The following NELL2 variants were observed in gnomAD, a reference collection of about 807,000 sequenced individuals.
NELL2 encodes neural EGFL like 2, also known as protein kinase C-binding protein NELL2.
Under a neutral mutation model 109.6 loss-of-function variants are expected in NELL2, and 41 were observed. The ratio of observed to expected loss-of-function variants is 0.37; its 90% CI spans 0.29 to 0.49. The LOEUF (loss-of-function observed/expected upper bound fraction) is 0.49, where lower values mean the gene tolerates loss of function less well. Among genes scored for constraint, NELL2 ranks in the 20% least tolerant of loss-of-function variants. The probability of loss-of-function intolerance (pLI) is 0.98; values close to 1 mark genes in which losing one functional copy is unlikely to be tolerated. For missense variants in NELL2, 900 were observed against 1,008.3 expected (o/e 0.89, Z 1.45); for synonymous variants, 355 against 344.7 (o/e 1.03, Z -0.33).
At chr12:44,768,953 T>C (rs1268188357) in intron 9 of NELL2, among the ~76,000 whole-genome samples, 9 of 152,104 alleles carry the variant, frequency 5.9e-5, no homozygotes, top group Admixed American at 5.2e-4. Flanking sequence ...CAAAATTATT[T>C]TCTTTTTCAC....
intron 1 of NELL2, among the ~76,000 whole-genome samples, chr12:44,901,940 A>G (rs1311225216): frequency 2.6e-5 from 4 of 152,194 alleles, no homozygotes; most frequent in Admixed American, 6.5e-5. Flanking sequence ...CCCACAGCCA[A>G]TATTATACTG....
chr12:44,584,539 GC>G (rs1944428386), intron 15 of NELL2, among the ~76,000 whole-genome samples: 1 of 152,194 alleles, frequency 6.6e-6, no homozygotes, highest in Non-Finnish European at 1.5e-5. Flanking sequence ...CCTTATTTAT[GC>G]AGTTGTTCTG....
intron 3 of NELL2, among the ~76,000 whole-genome samples, chr12:44,784,769 G>A (rs1170050658): frequency 5.9e-5 from 9 of 152,006 alleles, no homozygotes; most frequent in Admixed American, 6.6e-5. Flanking sequence ...AACAGAACCA[G>A]TGACAAAAAA....
chr12:44,747,950 T>C (rs917014439), intron 9 of NELL2, among the ~76,000 whole-genome samples: 1 of 152,164 alleles, frequency 6.6e-6, no homozygotes, highest in Admixed American at 6.6e-5. Flanking sequence ...ACCAAACTCG[T>C]AATGGAAAGA....
chr12:44,534,205 T>C (rs1942204880), intron 15 of NELL2, among the ~76,000 whole-genome samples: 1 of 152,096 alleles, frequency 6.6e-6, no homozygotes, highest in African/African-American at 2.4e-5. Context: ...AATAAATGTA[T>C]ACATAAGTAA....
At chr12:44,772,277 A>G (rs1784382695) in intron 9 of NELL2, among the ~76,000 whole-genome samples, 2 of 152,246 alleles carry the variant, frequency 1.3e-5, no homozygotes, top group Admixed American at 6.5e-5. Context: ...TGATACACAC[A>G]CACACGCACA....
At chr12:44,877,630 T>C (rs1023997741), upstream of NELL2, among the ~76,000 whole-genome samples, 7 of 152,306 alleles carry the variant, frequency 4.6e-5, no homozygotes, top group Admixed American at 6.5e-5. Flanking sequence ...TATATAGTTA[T>C]AGATATTATC....
chr12:44,831,226 C>T (rs1943878654), intron 2 of NELL2, among the ~76,000 whole-genome samples: 1 of 152,062 alleles, frequency 6.6e-6, no homozygotes, highest in South Asian at 2.1e-4. Flanking sequence ...GCTCTATAAT[C>T]TCTAGCGCTA....
At chr12:44,664,618 G>C (rs1458588367) in intron 13 of NELL2, among the ~76,000 whole-genome samples, 1 of 152,014 alleles carries the variant, frequency 6.6e-6, no homozygotes, top group East Asian at 1.9e-4. Context: ...GTTTATACAT[G>C]CACCTGATAA....
chr12:44,620,472 C>T (rs2136270613), intron 13 of NELL2, among the ~76,000 whole-genome samples: 1 of 152,244 alleles, frequency 6.6e-6, no homozygotes, highest in African/African-American at 2.4e-5. Context: ...GGCAATCTTG[C>T]AGTATCTCTT....
chr12:44,807,323 T>A (rs1316279062), intron 3 of NELL2, among the ~76,000 whole-genome samples: 1 of 68,472 alleles, frequency 1.5e-5, no homozygotes, highest in South Asian at 7.3e-4. Context: ...TGATGGATTT[T>A]GCTCTTTACA....
intron 13 of NELL2, among the ~76,000 whole-genome samples, chr12:44,627,106 G>T (rs1946295186): frequency 6.6e-6 from 1 of 152,100 alleles, no homozygotes; most frequent in African/African-American, 2.4e-5. Flanking sequence ...ACAATTACCT[G>T]CTGTAATTAC....
At chr12:44,539,459 C>A (rs1027836803) in intron 15 of NELL2, among the ~76,000 whole-genome samples, 1 of 152,106 alleles carries the variant, frequency 6.6e-6, no homozygotes, top group African/African-American at 2.4e-5. Context: ...TTAATCAATA[C>A]ATATGATATA....
At chr12:44,767,217 T>A (rs1941369654) in intron 9 of NELL2, among the ~76,000 whole-genome samples, 1 of 152,162 alleles carries the variant, frequency 6.6e-6, no homozygotes, top group Non-Finnish European at 1.5e-5. Context: ...CAGACAACAT[T>A]GTTTGTGGTA....
chr12:44,698,453 A>T (rs994405247), intron 12 of NELL2, among the ~76,000 whole-genome samples: 1 of 152,204 alleles, frequency 6.6e-6, no homozygotes, highest in African/African-American at 2.4e-5. Flanking sequence ...TGAACACTCA[A>T]GTAGAATAAA....
intron 2 of NELL2, among the ~76,000 whole-genome samples, chr12:44,865,157 A>C (rs1481114672): frequency 1.7e-5 from 2 of 116,734 alleles, no homozygotes; most frequent in Non-Finnish European, 1.8e-5. Context: ...TTTTGGCTGC[A>C]TAAATGTCTT....
intron 15 of NELL2, among the ~76,000 whole-genome samples, chr12:44,570,728 T>G (rs150596641): frequency 1.3e-5 from 2 of 152,322 alleles, no homozygotes; most frequent in South Asian, 4.1e-4. Context: ...AATATAATAC[T>G]CTGTTCATCT....
intron 2 of NELL2, among the ~76,000 whole-genome samples, chr12:44,861,388 A>G (rs1045842574): frequency 2.6e-5 from 4 of 152,164 alleles, no homozygotes; most frequent in Non-Finnish European, 5.9e-5. Flanking sequence ...CGGATCCCAC[A>G]GCCTCAGGCT....
At chr12:44,684,857 A>G (rs1027272264) in intron 12 of NELL2, among the ~76,000 whole-genome samples, 5 of 151,976 alleles carry the variant, frequency 3.3e-5, no homozygotes, top group South Asian at 2.1e-4. Flanking sequence ...CAGTTTTGGG[A>G]TAGGTGTGGT....
Sources: gnomAD v4.1 joint callset for allele counts (sites outside exome capture counted in the v4.1 genomes callset) on GRCh38, gnomAD v4.1.1 for gene constraint, MANE v1.5 for transcripts, NCBI Gene and HGNC (gene_info 2026-07-23, HGNC 2026-07-21) for gene names.